Variants in SVEP1 observed in about 807,000 individuals in gnomAD.
SVEP1 encodes sushi, von Willebrand factor type A, EGF and pentraxin domain-containing protein 1.
A neutral mutation model predicts 367.3 loss-of-function variants in SVEP1; 164 were observed. The ratio of observed to expected loss-of-function variants is 0.45; its 90% CI spans 0.39 to 0.51. SVEP1 has a LOEUF of 0.51. Among genes scored for constraint, SVEP1 ranks in the 20% least tolerant of loss-of-function variants. The pLI is 0.00. For missense variants in SVEP1, 4,117 were observed against 4,425.3 expected, an observed-to-expected ratio of 0.93 and a Z score of 1.98; for synonymous variants, 1,666 against 1,611.6, an observed-to-expected ratio of 1.03 and a Z score of -0.81.
At chr9:110,566,375 A>ACC (rs1830494477) in intron 1 of SVEP1, among the ~76,000 whole-genome samples, 1 of 150,948 alleles carries the variant, frequency 6.6e-6, no homozygotes, top group Non-Finnish European at 1.5e-5. Flanking sequence ...AATAAATAAT[A>ACC]ACCTAAGTAA....
chr9:110,392,832 G>T (rs1242548188), intron 40 of SVEP1, among the ~76,000 whole-genome samples: 1 of 152,050 alleles, frequency 6.6e-6, no homozygotes, highest in Non-Finnish European at 1.5e-5. Flanking sequence ...TGCTAAAATG[G>T]TCTCATCTTG....
intron 36 of SVEP1, among the ~76,000 whole-genome samples, chr9:110,426,341 A>G (rs189605352): frequency 3.0e-4 from 46 of 152,332 alleles, no homozygotes; most frequent in Non-Finnish European, 5.3e-4. Context: ...AACTGCACCA[A>G]TCATCATAAT....
At chr9:110,472,003 G>A (rs1261929183) in intron 15 of SVEP1, among the ~76,000 whole-genome samples, 156 bp downstream of exon 15, 1 of 152,154 alleles carries the variant, frequency 6.6e-6, no homozygotes, top group African/African-American at 2.4e-5. Flanking sequence ...GATACTGACA[G>A]CAAAAGATGA....
At chr9:110,508,883 G>C (rs761640590) in intron 5 of SVEP1, among the ~76,000 whole-genome samples, 4 of 151,524 alleles carry the variant, frequency 2.6e-5, no homozygotes, top group Non-Finnish European at 5.9e-5. Flanking sequence ...CCAATTATTA[G>C]TCAACATCCA....
Position 110,446,935 on chromosome 9 carries a change from C to T in SVEP1, c.4226G>A (p.Cys1409Tyr). The change falls in exon 25 of 48, where the codon TGT (cysteine) becomes TAT (tyrosine). Residue 1409 changes from cysteine (C) to tyrosine (Y), a missense_variant. Transcript: ENST00000374469. ...VDELNSYSCK[C>Y]QPGFSGKRCE... is the part of the protein sequence containing the mutation. Reference sequence around the variant, plus strand: ...CCTTTTGCCTGAAAATCCTGGCTGACATTTACAACTGTATGAATTTAATTC... The same window carrying T: ...CCTTTTGCCTGAAAATCCTGGCTGATATTTACAACTGTATGAATTTAATTC... 2 of 1,541,462 alleles carry T rather than the reference C, an allele frequency of 1.3e-6. No homozygotes were observed. Among genetic ancestry groups the T allele is most frequent in the South Asian group, 1.2e-5 (1 of 80,912 alleles).
chr9:110,392,151 A>ATATATATATATATC (rs1308038317), intron 40 of SVEP1, among the ~76,000 whole-genome samples: 28 of 146,082 alleles, frequency 1.9e-4, no homozygotes, highest in African/African-American at 7.2e-4. Context: ...ATATATATAT[A>ATATATATATATATC]TATCTCTTCT....
chr9:110,379,683 G>A (rs1827405271), intron 43 of SVEP1, among the ~76,000 whole-genome samples, 166 bp from the exon 44 acceptor site: 1 of 152,160 alleles, frequency 6.6e-6, no homozygotes, highest in South Asian at 2.1e-4. Context: ...TGCTGCTGTT[G>A]AGAAAAATTG....
At chr9:110,444,167 C>T (rs942028532) in intron 26 of SVEP1, among the ~76,000 whole-genome samples, 4 of 152,132 alleles carry the variant, frequency 2.6e-5, no homozygotes, top group South Asian at 2.1e-4. Context: ...AACAATTAGT[C>T]TGTTTGATGG....
chr9:110,562,598 A>C (rs1282697648), intron 1 of SVEP1, among the ~76,000 whole-genome samples: 1 of 152,244 alleles, frequency 6.6e-6, no homozygotes, highest in East Asian at 1.9e-4. Flanking sequence ...AATATGACCA[A>C]GAGAGCTATC....
chr9:110,409,768 AAAT>A (rs1209401825), intron 37 of SVEP1, among the ~76,000 whole-genome samples: 1 of 152,202 alleles, frequency 6.6e-6, no homozygotes, highest in Non-Finnish European at 1.5e-5. Context: ...TAACAATAGA[AAAT>A]AATATCCTAT....
At chr9:110,472,491 G>T (rs1049108250) in intron 14 of SVEP1, among the ~76,000 whole-genome samples, 168 bp from the exon 15 acceptor site, 1 of 152,044 alleles carries the variant, frequency 6.6e-6, no homozygotes, top group Non-Finnish European at 1.5e-5. Flanking sequence ...TGTAATTTTT[G>T]ATCACTTCAT....
intron 46 of SVEP1, among the ~76,000 whole-genome samples, chr9:110,371,731 C>CT (rs1421543154): frequency 6.6e-6 from 1 of 152,208 alleles, no homozygotes; most frequent in African/African-American, 2.4e-5. Context: ...TAGTATTTGG[C>CT]TCCTCACAAT....
chr9:110,371,671 A>G (rs1270286816), intron 46 of SVEP1, among the ~76,000 whole-genome samples: 1 of 152,124 alleles, frequency 6.6e-6, no homozygotes, highest in Non-Finnish European at 1.5e-5. Flanking sequence ...GTAAATGGCA[A>G]CACCTTCCAC....
chr9:110,412,553 T>C (rs1381586559), intron 36 of SVEP1, among the ~76,000 whole-genome samples: 14 of 151,888 alleles, frequency 9.2e-5, no homozygotes, highest in Non-Finnish European at 1.9e-4. Flanking sequence ...TGGGATCTAA[T>C]TAAACTAAAG....
At chr9:110,450,380 C>T (rs1374039925) in intron 23 of SVEP1, 120 bp from the exon 24 acceptor site, 2 of 1,006,792 alleles carry the variant, frequency 2.0e-6, no homozygotes, top group Non-Finnish European at 2.9e-6. Context: ...GGCTGTGGAG[C>T]CCATCAAACT....
Position 110,533,608 on chromosome 9 carries a change from GCAC to G in SVEP1, c.964+12504_964+12506del, listed in dbSNP as rs1199392760. ...TCTCTGTGTGTCTGTGTGTGTGTGTGCACGCACACGTGTGTGTGTATTTTGGCA... is the reference window on the plus strand; with the variant it reads ...TCTCTGTGTGTCTGTGTGTGTGTGTGGCACACGTGTGTGTGTATTTTGGCA... On this transcript the variant is annotated intron_variant, in intron 3 of 47. Transcript: ENST00000374469. 2.3e-4 allele frequency among the ~76,000 whole-genome samples: 25 copies of G among 107,914 alleles called. No homozygotes were observed. The East Asian group carries it at 5.3e-3, about 23-fold the overall frequency. 70.8% of individuals were successfully genotyped at this position (107,914 alleles called of 152,430 possible).
intron 38 of SVEP1, 111 bp from the exon 39 acceptor site, chr9:110,404,663 TATTG>T (rs1827927508): frequency 1.0e-6 from 1 of 978,352 alleles, no homozygotes; most frequent in Non-Finnish European, 1.6e-6. Flanking sequence ...TTGTGCAACA[TATTG>T]ATTGTTGCAC....
chr9:110,499,796 C>T lies in SVEP1; in HGVS notation c.1484-558G>A, dbSNP rs142165065. Among the ~76,000 whole-genome samples the T allele has an allele frequency of 3.0e-4, 45 of 152,276 alleles. No individual in the cohort carries two copies. In the East Asian group the frequency reaches 8.5e-3, roughly 29 times the overall value. On this transcript the variant is annotated intron_variant, in intron 6 of 47. Transcript: ENST00000374469. Reference sequence around the variant, plus strand: ...ATGCAGATGGAATGGAAAATCAAGGCTAGGACTTAATACAGGGAGTGCATG... The same window carrying T: ...ATGCAGATGGAATGGAAAATCAAGGTTAGGACTTAATACAGGGAGTGCATG...
At chr9:110,433,561 C>T (rs955722992) in intron 30 of SVEP1, among the ~76,000 whole-genome samples, 6 of 150,218 alleles carry the variant, frequency 4.0e-5, no homozygotes, top group African/African-American at 1.5e-4. Context: ...CTCTGCCTGC[C>T]TCCTGGGCTC....
Sources: gnomAD v4.1 joint callset for allele counts (sites outside exome capture counted in the v4.1 genomes callset) on GRCh38, gnomAD v4.1.1 for gene constraint, MANE v1.5 for transcripts, NCBI Gene and HGNC (gene_info 2026-07-23, HGNC 2026-07-21) for gene names.